RNF150: variants seen among roughly 807,000 people sequenced by gnomAD.
RNF150 encodes ring finger protein 150.
Under a neutral mutation model 39.3 loss-of-function variants are expected in RNF150, and 24 were observed. The ratio of observed to expected loss-of-function variants is 0.61; its 90% CI spans 0.44 to 0.86. The LOEUF (loss-of-function observed/expected upper bound fraction) is 0.86. RNF150 is among the 40% of genes least tolerant of loss of function. The pLI, the probability that RNF150 is intolerant of heterozygous loss-of-function variation, is 0.00. For missense variants in RNF150, 502 were observed against 587.8 expected (o/e 0.85, Z 1.51); for synonymous variants, 255 against 227.3 (o/e 1.12, Z -1.10).
chr4:141,200,106 AC>A (rs1297526797), intron 1 of RNF150, among the ~76,000 whole-genome samples: 1 of 152,178 alleles, frequency 6.6e-6, no homozygotes, highest in African/African-American at 2.4e-5. Flanking sequence ...GATACTGGAG[AC>A]TGAATAGCTT....
intron 6 of RNF150, among the ~76,000 whole-genome samples, chr4:140,899,777 A>G (rs1480154303): frequency 1.3e-5 from 2 of 152,026 alleles, no homozygotes; most frequent in African/African-American, 4.8e-5. Context: ...AATCTGGCTA[A>G]ATCACTTCAG....
chr4:141,150,695 A>G (rs185048110), intron 1 of RNF150, among the ~76,000 whole-genome samples: 16 of 152,086 alleles, frequency 1.1e-4, no homozygotes, highest in Non-Finnish European at 1.6e-4. Context: ...CCCCCAACTG[A>G]TCTCCATTTA....
intron 1 of RNF150, among the ~76,000 whole-genome samples, chr4:141,105,123 T>G (rs1030111821): frequency 6.6e-6 from 1 of 152,206 alleles, no homozygotes; most frequent in Non-Finnish European, 1.5e-5. Flanking sequence ...ACAAAATTCT[T>G]TCTAGAGATT....
At chr4:141,174,183 G>T (rs887831621) in intron 1 of RNF150, among the ~76,000 whole-genome samples, 4 of 152,112 alleles carry the variant, frequency 2.6e-5, no homozygotes, top group African/African-American at 9.7e-5. Flanking sequence ...TTGACTAAAG[G>T]CTGGGCAAAA....
intron 1 of RNF150, among the ~76,000 whole-genome samples, chr4:141,116,964 G>C: frequency 6.6e-6 from 1 of 152,002 alleles, no homozygotes; most frequent in East Asian, 1.9e-4. Context: ...ACACAGGAAG[G>C]GGAACATCAC....
At chr4:141,120,239 G>A (rs1425632041) in intron 1 of RNF150, among the ~76,000 whole-genome samples, 6 of 152,196 alleles carry the variant, frequency 3.9e-5, no homozygotes, top group Admixed American at 3.9e-4. Context: ...AATAAGAGAA[G>A]AGAGAATGAA....
chr4:141,205,125 A>G (rs993015381), intron 1 of RNF150, among the ~76,000 whole-genome samples: 2 of 152,226 alleles, frequency 1.3e-5, no homozygotes, highest in African/African-American at 4.8e-5. Flanking sequence ...GTTTTCACCA[A>G]TAACTAGAAT....
intron 1 of RNF150, among the ~76,000 whole-genome samples, chr4:141,019,025 T>G (rs1052658062): frequency 1.5e-5 from 2 of 136,530 alleles, no homozygotes; most frequent in Admixed American, 8.0e-5. Context: ...GCAATCTTAC[T>G]GCAAAGAAAT....
chr4:140,886,771 C>A (rs1193200374), intron 6 of RNF150, among the ~76,000 whole-genome samples: 1 of 152,150 alleles, frequency 6.6e-6, no homozygotes, highest in Non-Finnish European at 1.5e-5. Context: ...AGGTGCGTAC[C>A]ACCACAGCTA....
intron 5 of RNF150, among the ~76,000 whole-genome samples, chr4:140,914,353 A>G (rs939060067): frequency 5.9e-5 from 9 of 152,262 alleles, no homozygotes; most frequent in Non-Finnish European, 1.0e-4. Context: ...CCAAATCTAC[A>G]TACCTCTGAG....
At chr4:140,989,635 T>C (rs1481821833) in intron 1 of RNF150, among the ~76,000 whole-genome samples, 3 of 152,164 alleles carry the variant, frequency 2.0e-5, no homozygotes, top group African/African-American at 7.2e-5. Context: ...AGAGGCAAAA[T>C]CATTTAAATA....
At chr4:141,028,918 A>G (rs927803202) in intron 1 of RNF150, among the ~76,000 whole-genome samples, 3 of 152,180 alleles carry the variant, frequency 2.0e-5, no homozygotes, top group Admixed American at 2.0e-4. Context: ...GAAAAGATTC[A>G]GAAATTAACA....
rs1463271824 is a variant in RNF150 at position 140,866,527 on chromosome 4, C to A, written c.*1734G>T. 6.6e-6 allele frequency: 1 copy of A among 152,174 alleles called. No individual in the cohort carries two copies. The highest frequency in any genetic ancestry group is 1.5e-5 in the Non-Finnish European group (1 of 68,040). The allele number at this position is 152,174 out of a possible 1,614,324, so 9.4% of individuals were successfully genotyped here. A position where few individuals can be genotyped will look rare whatever the true frequency, so the allele number is the denominator to read the frequency against. On this transcript the variant is annotated 3_prime_UTR_variant, in exon 7 of 7. Transcript: ENST00000515673. ...TGAGGGTAATAATCATCTGCCTTGC[C>A]TTACTGTCTACTTACAAACCATCAA...
intron 6 of RNF150, among the ~76,000 whole-genome samples, chr4:140,910,065 T>C (rs1250641412): frequency 2.6e-5 from 4 of 152,218 alleles, no homozygotes; most frequent in African/African-American, 9.6e-5. Context: ...TTTCATTCTT[T>C]TTTTAGTCTG....
At chr4:141,191,244 G>C (rs1434395021) in intron 1 of RNF150, among the ~76,000 whole-genome samples, 1 of 152,150 alleles carries the variant, frequency 6.6e-6, no homozygotes, top group African/African-American at 2.4e-5. Context: ...GCCTGGTGTA[G>C]GTCATGGTCC....
intron 1 of RNF150, among the ~76,000 whole-genome samples, chr4:141,138,940 C>G (rs989794766): frequency 6.6e-6 from 1 of 152,136 alleles, no homozygotes; most frequent in African/African-American, 2.4e-5. Context: ...GGTGTGGTGA[C>G]TCAAGTCTGT....
intron 1 of RNF150, among the ~76,000 whole-genome samples, chr4:141,179,086 G>A (rs949705025): frequency 6.6e-6 from 1 of 152,032 alleles, no homozygotes; most frequent in African/African-American, 2.4e-5. Flanking sequence ...AGAATATAAT[G>A]CATTATTATA....
At chr4:141,004,064 T>A (rs1030720749) in intron 1 of RNF150, among the ~76,000 whole-genome samples, 4 of 152,170 alleles carry the variant, frequency 2.6e-5, no homozygotes, top group Non-Finnish European at 5.9e-5. Flanking sequence ...AGTGGTTCTA[T>A]ACTGGTTTCA....
chr4:140,896,692 AAAAAAAAAC>A (rs1481188623), intron 6 of RNF150, among the ~76,000 whole-genome samples: 1,603 of 91,508 alleles, frequency 0.018, 39 homozygotes, highest in African/African-American at 0.051. Flanking sequence ...TATAATAAAA[AAAAAAAAAC>A]AAAAAAACAA....
Sources: gnomAD v4.1 joint callset for allele counts (sites outside exome capture counted in the v4.1 genomes callset) on GRCh38, gnomAD v4.1.1 for gene constraint, MANE v1.5 for transcripts, NCBI Gene and HGNC (gene_info 2026-07-23, HGNC 2026-07-21) for gene names.